MYO9A: variants seen among roughly 807,000 people sequenced by gnomAD.
The protein encoded by MYO9A is myosin IXA.
A neutral mutation model predicts 293.3 loss-of-function variants in MYO9A; 103 were observed. That is an observed-to-expected ratio of 0.35 (90% CI 0.30 to 0.41). The LOEUF is 0.41. MYO9A is among the 10% of genes least tolerant of loss of function. The pLI, the probability that MYO9A is intolerant of heterozygous loss-of-function variation, is 1.00. For synonymous variants in MYO9A, 1,001 were observed against 1,035.7 expected, an observed-to-expected ratio of 0.97 and a Z score of 0.64; for missense variants, 2,685 against 3,033.0, an observed-to-expected ratio of 0.89 and a Z score of 2.69.
At chr15:71,936,023 T>C (rs2058634146) in intron 16 of MYO9A, among the ~76,000 whole-genome samples, 1 of 151,882 alleles carries the variant, frequency 6.6e-6, no homozygotes, top group South Asian at 2.1e-4. Flanking sequence ...TCACAGTGAT[T>C]GTAACATCAT....
At chr15:72,057,956 G>A (rs1373771318) in intron 1 of MYO9A, among the ~76,000 whole-genome samples, 3 of 152,128 alleles carry the variant, frequency 2.0e-5, no homozygotes, top group African/African-American at 7.2e-5. Flanking sequence ...TAGTATTTCA[G>A]TGCAATACCC....
chr15:71,999,116 A>G (rs2076791146), intron 9 of MYO9A: 1 of 152,200 alleles, frequency 6.6e-6, no homozygotes, highest in African/African-American at 2.4e-5. Context: ...CTTAAAAAAC[A>G]TTCTCTAGAA....
At chr15:72,080,061 C>T (rs138336345) in intron 1 of MYO9A, among the ~76,000 whole-genome samples, 2 of 152,272 alleles carry the variant, frequency 1.3e-5, no homozygotes, top group African/African-American at 4.8e-5. Flanking sequence ...CCTACAAAGA[C>T]TGTATTTCCA....
intron 6 of MYO9A, among the ~76,000 whole-genome samples, chr15:72,011,503 T>C (rs1317706106): frequency 2.0e-5 from 3 of 152,092 alleles, no homozygotes; most frequent in Non-Finnish European, 4.4e-5. Flanking sequence ...CACACATGCC[T>C]GTAATCCCAG....
At chr15:72,104,130 A>C (rs1268249648) in intron 1 of MYO9A, among the ~76,000 whole-genome samples, 1 of 152,198 alleles carries the variant, frequency 6.6e-6, no homozygotes, top group East Asian at 1.9e-4. Context: ...AATATGCAGT[A>C]TGATACTTTC....
chr15:71,862,560 T>C lies in MYO9A; in HGVS notation c.6031A>G (p.Thr2011Ala), dbSNP rs771562253. 11 of 1,613,460 alleles carry C rather than the reference T, an allele frequency of 6.8e-6. No homozygotes were observed. Among genetic ancestry groups the C allele is most frequent in the African/African-American group, 1.3e-5 (1 of 74,920 alleles). Residue 2011 changes from threonine to alanine, a missense_variant, in exon 33 of 42, where the codon ACA (threonine) becomes GCA (alanine). Around this residue, in one of 10 missense-constraint regions of MYO9A, gnomAD observed 14 missense variants for 38.0 expected, o/e 0.37. Transcript: ENST00000356056. ...AAAGAAGAACAGTATTCACAGTATGTAGGGATGCTATATTGGGTGGCTTTA... is the reference window on the plus strand; with the variant it reads ...AAAGAAGAACAGTATTCACAGTATGCAGGGATGCTATATTGGGTGGCTTTA... ...IFKATQYSIP[T>A]YCEYCSSLIW... is the part of the protein sequence containing the mutation.
chr15:72,077,743 AAAAAAAAAAATAT>A (rs1469537834), intron 1 of MYO9A, among the ~76,000 whole-genome samples: 2 of 38,494 alleles, frequency 5.2e-5, no homozygotes, highest in Admixed American at 6.1e-4. Flanking sequence ...GAAAAAAAAA[AAAAAAAAAAATAT>A]ATATATATAT....
At chr15:71,912,097 TAC>T (rs2057869169) in intron 19 of MYO9A, among the ~76,000 whole-genome samples, 2 of 152,188 alleles carry the variant, frequency 1.3e-5, no homozygotes, top group South Asian at 4.1e-4. Flanking sequence ...CTTCAAATAA[TAC>T]TATACCATGT....
intron 33 of MYO9A, 85 bp from the exon 34 acceptor site, chr15:71,859,881 T>C (rs2056041917): frequency 4.2e-6 from 5 of 1,188,714 alleles, no homozygotes; most frequent in Non-Finnish European, 4.8e-6. Context: ...ATTTTAGACC[T>C]ACGTTTTTTT....
chr15:72,024,906 A>C (rs1483526644), intron 4 of MYO9A, among the ~76,000 whole-genome samples: 2 of 152,190 alleles, frequency 1.3e-5, no homozygotes, highest in Non-Finnish European at 2.9e-5. Context: ...CAGGAATAGA[A>C]GAACAGAAGA....
intron 37 of MYO9A, 38 bp from the exon 38 acceptor site, chr15:71,850,205 G>C (rs1416440960): frequency 6.2e-7 from 1 of 1,609,524 alleles, no homozygotes; most frequent in Admixed American, 1.7e-5. Context: ...AATGAGTAAG[G>C]GATAAAAAGG....
At chr15:72,103,819 G>C (rs1243793776) in intron 1 of MYO9A, among the ~76,000 whole-genome samples, 2 of 152,056 alleles carry the variant, frequency 1.3e-5, no homozygotes, top group Non-Finnish European at 2.9e-5. Context: ...ATGAAGCAAA[G>C]CAAAAAACAG....
At chr15:71,887,886 G>T in intron 27 of MYO9A, 118 bp downstream of exon 27, 1 of 517,728 alleles carries the variant, frequency 1.9e-6, no homozygotes, top group Non-Finnish European at 3.3e-6. Flanking sequence ...TGGTAAATAA[G>T]TTTAATTTCA....
intron 1 of MYO9A, 133 bp downstream of exon 1, chr15:72,117,547 G>A (rs2081039806): frequency 2.8e-6 from 1 of 360,070 alleles, no homozygotes; most frequent in Non-Finnish European, 5.0e-6. Context: ...GTGTTTGGGA[G>A]GCTCGGCGCA....
intron 39 of MYO9A, among the ~76,000 whole-genome samples, chr15:71,844,246 T>G (rs2055289177): frequency 6.6e-6 from 1 of 152,206 alleles, no homozygotes; most frequent in South Asian, 2.1e-4. Context: ...CACACAGTAC[T>G]GTCTAATCCA....
intron 1 of MYO9A, among the ~76,000 whole-genome samples, chr15:72,113,713 T>C (rs1329980009): frequency 6.6e-6 from 1 of 152,198 alleles, no homozygotes; most frequent in African/African-American, 2.4e-5. Context: ...CATTAAGATC[T>C]TTCCTGATAC....
chr15:72,115,728 G>A (rs12901886), intron 1 of MYO9A, among the ~76,000 whole-genome samples: 31,054 of 152,084 alleles, frequency 0.2, 3,374 homozygotes, highest in East Asian at 0.41. Context: ...CATCATCACA[G>A]CTAGTCACAC....
intron 1 of MYO9A, among the ~76,000 whole-genome samples, chr15:72,099,420 CCCAA>C (rs2080181519): frequency 7.2e-5 from 2 of 27,846 alleles, no homozygotes; most frequent in Non-Finnish European, 8.8e-5. Flanking sequence ...AAGACCCTGC[CCCAA>C]AAAAAAAAAA....
At chr15:71,981,715 A>G (rs1378279331) in intron 11 of MYO9A, among the ~76,000 whole-genome samples, 2 of 151,220 alleles carry the variant, frequency 1.3e-5, no homozygotes, top group Non-Finnish European at 2.9e-5. Flanking sequence ...TAGCCCTTTC[A>G]AAGTATTACT....
Sources: allele counts gnomAD v4.1 joint callset (sites outside exome capture counted in the v4.1 genomes callset), GRCh38; gene constraint gnomAD v4.1.1; regional missense constraint gnomAD v4.1.1; transcripts MANE v1.5; gene names NCBI Gene and HGNC (gene_info 2026-07-23, HGNC 2026-07-21).